Variants in TYR observed in about 807,000 individuals in gnomAD.
TYR encodes the protein tyrosinase.
A neutral mutation model predicts 51.5 loss-of-function variants in TYR; 58 were observed. The ratio of observed to expected loss-of-function variants is 1.13; its 90% CI spans 0.91 to 1.40. TYR has a LOEUF of 1.40. Ranked by LOEUF, TYR falls within the 40% of genes most tolerant of loss-of-function variation. The pLI is 0.00. For missense variants in TYR, 732 were observed against 647.4 expected (o/e 1.13, Z -1.42); for synonymous variants, 263 against 235.2 (o/e 1.12, Z -1.08).
At chr11:89,242,331 C>T (rs1341121939) in intron 3 of TYR, among the ~76,000 whole-genome samples, 2 of 152,076 alleles carry the variant, frequency 1.3e-5, no homozygotes, top group Non-Finnish European at 2.9e-5. Flanking sequence ...CCCCAGCCTC[C>T]TGAGCAGCTG....
intron 2 of TYR, among the ~76,000 whole-genome samples, chr11:89,205,119 GT>G (rs1943655536): frequency 1.3e-5 from 2 of 151,900 alleles, no homozygotes; most frequent in African/African-American, 4.8e-5. Context: ...AGTTACCAAA[GT>G]AAAAGTCTCA....
rs867727914 is a variant in TYR, at chr11:89,243,756, C to G, written c.1184+15786C>G. Among the ~76,000 whole-genome samples the G allele has an allele frequency of 7.9e-5, 12 of 152,218 alleles. No homozygotes were observed. The South Asian group carries it at 8.3e-4, about 11-fold the overall frequency. On this transcript the variant is annotated intron_variant, in intron 3 of 4. Coordinates refer to ENST00000263321, the MANE Select transcript of TYR (RefSeq NM_000372.5). ...TGAAATATACTCTCTGCTGTCATTT[C>G]TCAAAGCATTCTATAAATACATTTA...
chr11:89,195,503 A>G (rs985829489), intron 2 of TYR, among the ~76,000 whole-genome samples: 5 of 151,808 alleles, frequency 3.3e-5, no homozygotes, highest in Non-Finnish European at 7.4e-5. Context: ...ACATAGAGAA[A>G]CCCCGTTTCT....
At chr11:89,220,593 A>C (rs1266479930) in intron 2 of TYR, among the ~76,000 whole-genome samples, 1 of 152,126 alleles carries the variant, frequency 6.6e-6, no homozygotes, top group Non-Finnish European at 1.5e-5. Context: ...TCTTCTTTAC[A>C]GAGTTACTAC....
intron 3 of TYR, among the ~76,000 whole-genome samples, chr11:89,235,642 T>C (rs897047304): frequency 6.6e-6 from 1 of 151,968 alleles, no homozygotes; most frequent in African/African-American, 2.4e-5. Context: ...GAGTAGGAAA[T>C]AGAATCGTAG....
chr11:89,257,425 A>G (rs1944406840), intron 3 of TYR, among the ~76,000 whole-genome samples: 1 of 152,056 alleles, frequency 6.6e-6, no homozygotes, highest in Non-Finnish European at 1.5e-5. Flanking sequence ...TTTCTGATTA[A>G]TTATTCCTTT....
chr11:89,270,456 T>C (rs1373970986), intron 3 of TYR, among the ~76,000 whole-genome samples: 2 of 151,894 alleles, frequency 1.3e-5, no homozygotes, highest in African/African-American at 4.8e-5. Context: ...GACCAGATTT[T>C]AGCTCTTTGT....
At chr11:89,239,901 A>C (rs537365258) in intron 3 of TYR, among the ~76,000 whole-genome samples, 1 of 152,316 alleles carries the variant, frequency 6.6e-6, no homozygotes, top group South Asian at 2.1e-4. Flanking sequence ...GTCAGAAAAG[A>C]TACTTGATTA....
intron 2 of TYR, among the ~76,000 whole-genome samples, chr11:89,211,955 G>A (rs910766662): frequency 3.3e-5 from 5 of 152,082 alleles, no homozygotes; most frequent in Admixed American, 6.5e-5. Context: ...GCAGCGTGTC[G>A]GGAGAAATTT....
intron 3 of TYR, among the ~76,000 whole-genome samples, chr11:89,239,028 T>A (rs947240762): frequency 6.6e-6 from 1 of 152,164 alleles, no homozygotes; most frequent in Admixed American, 6.6e-5. Flanking sequence ...TTAGGAATAT[T>A]GGCCTGTAAT....
chr11:89,258,069 C>A (rs963236462), intron 3 of TYR, among the ~76,000 whole-genome samples: 1 of 151,932 alleles, frequency 6.6e-6, no homozygotes, highest in African/African-American at 2.4e-5. Context: ...CTAATTGATT[C>A]CACAACACTT....
chr11:89,212,814 C>T (rs773521667), intron 2 of TYR, among the ~76,000 whole-genome samples: 11 of 152,248 alleles, frequency 7.2e-5, no homozygotes, highest in South Asian at 2.1e-4. Flanking sequence ...AAATCCATCA[C>T]ATAAACAGAA....
rs11411684 is a variant in TYR at position 89,216,647 on chromosome 11, C to CAAAAAAAAAA, written c.1037-11163_1037-11154dup. ...CAGCCTGGATGGAGTTTTTCCATCT[C>CAAAAAAAAAA]AAAAAAAAAAAAAAAAAAAAAATAG... is the stretch of plus-strand genomic sequence containing the variant. On this transcript the variant is annotated intron_variant, in intron 2 of 4. Transcript: ENST00000263321. Among the ~76,000 whole-genome samples, 15 of 80,798 alleles carry CAAAAAAAAAA rather than the reference C, an allele frequency of 1.9e-4. 1 individual carries two copies. The highest frequency in any genetic ancestry group is 6.4e-4 in the African/African-American group (14 of 21,762). 53.0% of individuals were successfully genotyped at this position (80,798 alleles called of 152,430 possible). A position where few individuals can be genotyped will look rare whatever the true frequency, so the allele number is the denominator to read the frequency against.
intron 3 of TYR, among the ~76,000 whole-genome samples, chr11:89,279,855 ATACT>A (rs1326272928): frequency 1.3e-5 from 2 of 151,656 alleles, no homozygotes; most frequent in Non-Finnish European, 3.0e-5. Flanking sequence ...TGTGCATCTC[ATACT>A]TAGTGAGTGG....
intron 1 of TYR, among the ~76,000 whole-genome samples, chr11:89,183,357 C>T (rs1370606864): frequency 6.6e-6 from 1 of 151,984 alleles, no homozygotes; most frequent in East Asian, 1.9e-4. Context: ...AAATTCTACC[C>T]CTGCCATTTA....
intron 2 of TYR, among the ~76,000 whole-genome samples, chr11:89,209,669 T>C (rs1309855364): frequency 6.6e-6 from 1 of 152,186 alleles, no homozygotes; most frequent in Non-Finnish European, 1.5e-5. Flanking sequence ...AGTGGGTCCC[T>C]GACCCCGTGT....
intron 3 of TYR, among the ~76,000 whole-genome samples, chr11:89,278,723 T>G (rs1290138867): frequency 1.3e-5 from 2 of 151,724 alleles, no homozygotes; most frequent in Non-Finnish European, 3.0e-5. Flanking sequence ...TTAGTGGACA[T>G]TAAAGAACCA....
At chr11:89,214,856 A>G (rs966826912) in intron 2 of TYR, among the ~76,000 whole-genome samples, 8 of 152,208 alleles carry the variant, frequency 5.3e-5, no homozygotes, top group Admixed American at 2.6e-4. Flanking sequence ...TTTAGCATCA[A>G]ACATGCCTCA....
chr11:89,295,426 T>C lies in TYR; in HGVS notation c.*60T>C. 1 of 1,543,684 alleles carries C rather than the reference T, an allele frequency of 6.5e-7. No individual in the cohort carries two copies. Among genetic ancestry groups the C allele is most frequent in the Non-Finnish European group, 8.8e-7 (1 of 1,131,272 alleles). ...GACCTCACTCTAACTCAAAGTAATG[T>C]CCAGGTTCCCAGAGAATATCTGCTG... is the stretch of plus-strand genomic sequence containing the variant. On this transcript the variant is annotated 3_prime_UTR_variant, in exon 5 of 5. Coordinates refer to ENST00000263321, the MANE Select transcript of TYR (RefSeq NM_000372.5).
Sources: allele counts gnomAD v4.1 joint callset (sites outside exome capture counted in the v4.1 genomes callset), GRCh38; gene constraint gnomAD v4.1.1; transcripts MANE v1.5; gene names NCBI Gene and HGNC (gene_info 2026-07-23, HGNC 2026-07-21).